The following DIS3L2 variants were observed in gnomAD, a reference collection of about 807,000 sequenced individuals.
DIS3L2 encodes the protein DIS3-like exonuclease 2.
In DIS3L2, 34 loss-of-function variants were observed where a neutral mutation model predicts 97.5. The observed-to-expected ratio is 0.35, with a 90% CI of 0.27 to 0.46. The LOEUF (loss-of-function observed/expected upper bound fraction) is 0.46, where lower values mean the gene tolerates loss of function less well. DIS3L2 is among the 20% of genes least tolerant of loss of function. DIS3L2 has a pLI of 1.00. For synonymous variants in DIS3L2, 435 were observed against 445.2 expected, an observed-to-expected ratio of 0.98 and a Z score of 0.29; for missense variants, 1,038 against 1,146.0, an observed-to-expected ratio of 0.91 and a Z score of 1.36.
intron 14 of DIS3L2, among the ~76,000 whole-genome samples, chr2:232,310,332 C>T (rs1260413305): frequency 6.6e-6 from 1 of 152,176 alleles, no homozygotes; most frequent in Non-Finnish European, 1.5e-5. Context: ...GTATTGTGCA[C>T]GTGGGAGTCA....
intron 13 of DIS3L2, among the ~76,000 whole-genome samples, chr2:232,288,875 G>T (rs1694521587): frequency 6.6e-6 from 1 of 152,184 alleles, no homozygotes; most frequent in African/African-American, 2.4e-5. Flanking sequence ...TTTCCAAAAA[G>T]ATTTTGAGAG....
chr2:232,070,420 G>C (rs1034347054), intron 5 of DIS3L2, among the ~76,000 whole-genome samples: 1 of 152,066 alleles, frequency 6.6e-6, no homozygotes. Flanking sequence ...AATGCTCTCT[G>C]TTTATTTCTG....
At position 232,209,803 on chromosome 2, in the gene DIS3L2, G is replaced by C. The variant is rs375336896; in HGVS notation, c.1125-523G>C. ...GATAAATGGGCACATGGTGTACTTG[G>C]TATGAGCTTGGTTGAAATATATAAT... On this transcript the variant is annotated intron_variant, in intron 9 of 20. Coordinates refer to ENST00000325385, the MANE Select transcript of DIS3L2 (RefSeq NM_152383.5). Among the ~76,000 whole-genome samples, 9 of 152,342 alleles carry C rather than the reference G, an allele frequency of 5.9e-5. No homozygotes were observed. The East Asian group carries it at 1.5e-3, about 26-fold the overall frequency.
chr2:232,106,727 G>A lies in DIS3L2; in HGVS notation c.601+19006G>A, dbSNP rs556275532. Among the ~76,000 whole-genome samples, 17 of 152,304 alleles carry A rather than the reference G, an allele frequency of 1.1e-4. No homozygotes were observed. The South Asian group carries it at 1.7e-3, about 15-fold the overall frequency. Reference sequence around the variant, plus strand: ...AAATTAACAAAGATATTCAGGACCTGAACTCAGCTCTGGATCAAGTGGACC... The same window carrying A: ...AAATTAACAAAGATATTCAGGACCTAAACTCAGCTCTGGATCAAGTGGACC... On this transcript the variant is annotated intron_variant, in intron 6 of 20. Transcript: ENST00000325385.
In DIS3L2 at chr2:232,156,166, C is replaced by T. The variant is rs184762722; in HGVS notation, c.951-7293C>T. 1.9e-3 allele frequency among the ~76,000 whole-genome samples: 288 copies of T among 152,226 alleles called. 1 individual carries two copies. Among genetic ancestry groups the T allele is most frequent in the Non-Finnish European group, 7.9e-4 (54 of 68,014 alleles). ...CCAGTTTCATTTTCCTCACTTTTCT[C>T]AAGATTTTACTCTATGATCCTTATG... is the stretch of plus-strand genomic sequence containing the variant. On this transcript the variant is annotated intron_variant, in intron 8 of 20. Coordinates refer to ENST00000325385, the MANE Select transcript of DIS3L2 (RefSeq NM_152383.5).
downstream of DIS3L2, chr2:232,340,815 G>T (rs781525888): frequency 1.3e-5 from 6 of 471,506 alleles, no homozygotes; most frequent in South Asian, 9.3e-5. Flanking sequence ...CCCTTGGTGT[G>T]CTCAGAGCTT....
At position 232,040,656 on chromosome 2, in the gene DIS3L2, A is replaced by G. The variant is rs549024401; in HGVS notation, c.366+10576A>G. Among the ~76,000 whole-genome samples the G allele has an allele frequency of 4.6e-5, 7 of 152,340 alleles. No homozygotes were observed. The East Asian group carries it at 1.3e-3, about 29-fold the overall frequency. ...TATATAAACCCTGTGGGTGCTAATAACAACTGCTAACTTACTGGTGCTTAC... is the reference window on the plus strand; with the variant it reads ...TATATAAACCCTGTGGGTGCTAATAGCAACTGCTAACTTACTGGTGCTTAC... On this transcript the variant is annotated intron_variant, in intron 5 of 20. Coordinates refer to ENST00000325385, the MANE Select transcript of DIS3L2 (RefSeq NM_152383.5).
chr2:232,103,914 A>G (rs1697281707), intron 6 of DIS3L2, among the ~76,000 whole-genome samples: 1 of 152,146 alleles, frequency 6.6e-6, no homozygotes, highest in Non-Finnish European at 1.5e-5. Flanking sequence ...ACATACTGTA[A>G]TGTATTAGAA....
chr2:232,270,908 C>CTCTCTCTGTCTTG lies in DIS3L2; in HGVS notation c.1659+7479_1659+7480insTGTCTCTCTGTCT, dbSNP rs1553542503. ...TCTCTCTCTCTCTCTCTCTCTCTCT[C>CTCTCTCTGTCTTG]TCTCTCTGTCTCGTCTCTCTCTCTC... On this transcript the variant is annotated intron_variant, in intron 13 of 20. Transcript: ENST00000325385. Among the ~76,000 whole-genome samples, 214 of 130,558 alleles carry CTCTCTCTGTCTTG rather than the reference C, an allele frequency of 1.6e-3. 3 individuals are homozygous for CTCTCTCTGTCTTG. The highest frequency in any genetic ancestry group is 5.6e-3 in the African/African-American group (196 of 35,058). 85.7% of individuals were successfully genotyped at this position (130,558 alleles called of 152,430 possible).
chr2:232,104,493 T>G (rs913837563), intron 6 of DIS3L2, among the ~76,000 whole-genome samples: 2 of 152,340 alleles, frequency 1.3e-5, no homozygotes, highest in East Asian at 3.9e-4. Flanking sequence ...TTACATTTTC[T>G]GTGTTGTGCA....
chr2:231,993,075 C>T (rs1234043686), intron 1 of DIS3L2, among the ~76,000 whole-genome samples: 1 of 152,178 alleles, frequency 6.6e-6, no homozygotes, highest in Non-Finnish European at 1.5e-5. Context: ...TTCAGAGCTC[C>T]TGACTTTTGT....
intron 5 of DIS3L2, among the ~76,000 whole-genome samples, chr2:232,054,811 A>G (rs2106268169): frequency 6.6e-6 from 1 of 152,316 alleles, no homozygotes; most frequent in South Asian, 2.1e-4. Context: ...ATATAAGAAA[A>G]TTGTAGGCAA....
At chr2:232,006,549 T>C (rs924883141) in intron 1 of DIS3L2, among the ~76,000 whole-genome samples, 2 of 152,190 alleles carry the variant, frequency 1.3e-5, no homozygotes, top group Non-Finnish European at 2.9e-5. Flanking sequence ...TAAATTGAAT[T>C]AGAAACATGT....
At chr2:232,160,089 A>G (rs1690607632) in intron 8 of DIS3L2, among the ~76,000 whole-genome samples, 1 of 152,192 alleles carries the variant, frequency 6.6e-6, no homozygotes, top group Non-Finnish European at 1.5e-5. Flanking sequence ...GATCTCATTA[A>G]TCCTTTGGTT....
chr2:232,256,333 C>G (rs933844452), intron 12 of DIS3L2, among the ~76,000 whole-genome samples: 1 of 152,214 alleles, frequency 6.6e-6, no homozygotes, highest in African/African-American at 2.4e-5. Flanking sequence ...GGCCCCCTCC[C>G]CAGCTCCAGG....
intron 10 of DIS3L2, among the ~76,000 whole-genome samples, chr2:232,222,259 A>G (rs1304053968): frequency 6.6e-6 from 1 of 151,670 alleles, no homozygotes; most frequent in Non-Finnish European, 1.5e-5. Flanking sequence ...AGTCATTTCT[A>G]ATCCCCATTT....
downstream of DIS3L2, among the ~76,000 whole-genome samples, chr2:232,342,138 T>C (rs900581173): frequency 1.3e-5 from 2 of 152,022 alleles, no homozygotes; most frequent in Admixed American, 1.3e-4. Context: ...TATATACACA[T>C]ATACATATAT....
chr2:232,301,726 G>A (rs1694859855), intron 14 of DIS3L2, among the ~76,000 whole-genome samples: 1 of 152,150 alleles, frequency 6.6e-6, no homozygotes, highest in Admixed American at 6.5e-5. Flanking sequence ...TATTCAATGG[G>A]AGAAGGACAC....
chr2:232,297,562 A>G (rs1174372475), intron 13 of DIS3L2, among the ~76,000 whole-genome samples: 1 of 152,204 alleles, frequency 6.6e-6, no homozygotes, highest in Non-Finnish European at 1.5e-5. Flanking sequence ...CAGTCATAAA[A>G]TAAGGAGGAA....
Sources: gnomAD v4.1 joint callset for allele counts (sites outside exome capture counted in the v4.1 genomes callset) on GRCh38, gnomAD v4.1.1 for gene constraint, MANE v1.5 for transcripts, NCBI Gene and HGNC (gene_info 2026-07-23, HGNC 2026-07-21) for gene names.